TCF12: variants seen among roughly 807,000 people sequenced by gnomAD.
TCF12 encodes DNA-binding protein HTF4.
TCF12 carries 45 observed loss-of-function variants against 86.0 expected under a neutral mutation model. The ratio of observed to expected loss-of-function variants is 0.52; its 90% CI spans 0.41 to 0.67. TCF12 has a LOEUF of 0.67. Among genes scored for constraint, TCF12 ranks in the 30% least tolerant of loss-of-function variants. TCF12 has a pLI of 0.00. For missense variants in TCF12, 881 were observed against 859.9 expected, an observed-to-expected ratio of 1.02 and a Z score of -0.31; for synonymous variants, 330 against 299.6, an observed-to-expected ratio of 1.10 and a Z score of -1.05.
chr15:57,290,919 T>C (rs576649672), downstream of TCF12: 1 of 152,304 alleles, frequency 6.6e-6, no homozygotes, highest in Non-Finnish European at 1.5e-5. Flanking sequence ...CAAAGGGTCT[T>C]CTGAAGTCAC....
chr15:57,063,954 C>T, intron 4 of TCF12, 131 bp downstream of exon 4: 1 of 699,540 alleles, frequency 1.4e-6, no homozygotes, highest in East Asian at 2.6e-5. Context: ...ATACCTAGTA[C>T]CTTTTTGTTA....
intron 3 of TCF12, among the ~76,000 whole-genome samples, chr15:57,031,319 T>C (rs2066166927): frequency 6.6e-6 from 1 of 152,210 alleles, no homozygotes; most frequent in Non-Finnish European, 1.5e-5. Context: ...TGTTTATCAG[T>C]GATCTCCCTG....
intron 3 of TCF12, among the ~76,000 whole-genome samples, chr15:57,061,448 T>G (rs1030161440): frequency 2.6e-5 from 4 of 151,750 alleles, no homozygotes; most frequent in Non-Finnish European, 5.9e-5. Flanking sequence ...AAAAAAAAAA[T>G]TAATGATTAG....
chr15:57,248,573 TAAG>T (rs1315630617), intron 13 of TCF12, among the ~76,000 whole-genome samples: 25 of 152,222 alleles, frequency 1.6e-4, no homozygotes, highest in East Asian at 5.8e-4. Context: ...AAAAAAATAA[TAAG>T]GAGAGAAAGA....
At chr15:56,920,726 G>A (rs1039125245) in intron 2 of TCF12, among the ~76,000 whole-genome samples, 16 of 152,086 alleles carry the variant, frequency 1.1e-4, no homozygotes, top group African/African-American at 3.6e-4. Context: ...TAAATGTAAT[G>A]AAATTCACTT....
At chr15:57,200,440 G>C (rs1162433519) in intron 8 of TCF12, among the ~76,000 whole-genome samples, 1 of 151,978 alleles carries the variant, frequency 6.6e-6, no homozygotes, top group East Asian at 1.9e-4. Context: ...TAAGAAAAAT[G>C]GAGTATTAAA....
At chr15:57,281,953 A>G (rs1402370678) in intron 19 of TCF12, among the ~76,000 whole-genome samples, 2 of 151,536 alleles carry the variant, frequency 1.3e-5, no homozygotes, top group Non-Finnish European at 2.9e-5. Context: ...CCACGAAACC[A>G]GTCCCTGGTG....
intron 3 of TCF12, among the ~76,000 whole-genome samples, chr15:57,049,715 C>T (rs74507917): frequency 6.6e-5 from 10 of 152,188 alleles, no homozygotes; most frequent in East Asian, 5.8e-4. Context: ...TTTCATTTAC[C>T]GTGAACTGGA....
intron 8 of TCF12, among the ~76,000 whole-genome samples, chr15:57,221,842 T>A (rs2058613266): frequency 6.6e-6 from 1 of 152,116 alleles, no homozygotes. Flanking sequence ...TTTTCTTCAA[T>A]AAGAAAATCG....
At chr15:57,198,859 G>A (rs891895991) in intron 8 of TCF12, among the ~76,000 whole-genome samples, 12 of 152,200 alleles carry the variant, frequency 7.9e-5, no homozygotes, top group African/African-American at 2.9e-4. Flanking sequence ...AGAAGGAGCA[G>A]CATGGGTCTG....
At chr15:57,053,288 A>G (rs1295965105) in intron 3 of TCF12, among the ~76,000 whole-genome samples, 1 of 152,038 alleles carries the variant, frequency 6.6e-6, no homozygotes, top group Non-Finnish European at 1.5e-5. Flanking sequence ...GTCTATTCAA[A>G]TTTGTTGTCT....
At chr15:56,958,030 G>GT (rs1567164158) in intron 3 of TCF12, among the ~76,000 whole-genome samples, 1 of 152,210 alleles carries the variant, frequency 6.6e-6, no homozygotes, top group Admixed American at 6.5e-5. Context: ...TACTGGCCTT[G>GT]TGTGAATGCT....
At chr15:57,041,766 A>G (rs1385289936) in intron 3 of TCF12, among the ~76,000 whole-genome samples, 1 of 152,204 alleles carries the variant, frequency 6.6e-6, no homozygotes, top group Non-Finnish European at 1.5e-5. Flanking sequence ...TTAAAAAAAA[A>G]TAGGAAAATG....
chr15:57,194,285 A>G (rs558197445), intron 7 of TCF12, among the ~76,000 whole-genome samples: 15 of 152,272 alleles, frequency 9.9e-5, no homozygotes, highest in African/African-American at 2.9e-4. Flanking sequence ...TGTACACACT[A>G]CATTTTCACA....
intron 6 of TCF12, among the ~76,000 whole-genome samples, chr15:57,178,902 T>A (rs1407951003): frequency 1.3e-5 from 2 of 152,218 alleles, no homozygotes; most frequent in Admixed American, 1.3e-4. Context: ...ATTGCATATA[T>A]TAAAATGACA....
chr15:57,170,513 A>G (rs2055235732), intron 6 of TCF12, among the ~76,000 whole-genome samples: 2 of 147,942 alleles, frequency 1.4e-5, no homozygotes, highest in South Asian at 2.1e-4. Flanking sequence ...AAATAAATAC[A>G]TAATATTAAA....
At chr15:56,970,938 C>G (rs1408723324) in intron 3 of TCF12, among the ~76,000 whole-genome samples, 1 of 151,976 alleles carries the variant, frequency 6.6e-6, no homozygotes, top group Non-Finnish European at 1.5e-5. Context: ...CCTATTGTCC[C>G]AGCTACTCGA....
At chr15:56,997,695 A>C (rs1352384933) in intron 3 of TCF12, among the ~76,000 whole-genome samples, 1 of 152,226 alleles carries the variant, frequency 6.6e-6, no homozygotes, top group African/African-American at 2.4e-5. Flanking sequence ...AAAACAAATA[A>C]TAAAATGGTA....
At position 56,991,185 on chromosome 15, in the gene TCF12, T is replaced by C. The variant is rs376364647; in HGVS notation, c.148+70087T>C. Among the ~76,000 whole-genome samples, 773 of 152,314 alleles carry C rather than the reference T, an allele frequency of 5.1e-3. 6 individuals are homozygous for C. The highest frequency in any genetic ancestry group is 8.9e-3 in the South Asian group (43 of 4,824). ...ATGTGTCATGTAATGAAAGATGATA[T>C]TCCCAACCCACCATCTCACATATTC... On this transcript the variant is annotated intron_variant, in intron 3 of 20. Coordinates refer to ENST00000333725, the MANE Select transcript of TCF12 (RefSeq NM_207037.2).
Sources: gnomAD v4.1 joint callset for allele counts (sites outside exome capture counted in the v4.1 genomes callset) on GRCh38, gnomAD v4.1.1 for gene constraint, MANE v1.5 for transcripts, NCBI Gene and HGNC (gene_info 2026-07-23, HGNC 2026-07-21) for gene names.